Variants in AHCYL2 observed in about 807,000 individuals in gnomAD.
AHCYL2 encodes S-adenosylhomocysteine hydrolase-like protein 2.
AHCYL2 carries 28 observed loss-of-function variants against 81.4 expected under a neutral mutation model. The observed-to-expected ratio is 0.34, with a 90% CI of 0.25 to 0.47. The LOEUF is 0.47. Among genes scored for constraint, AHCYL2 ranks in the 20% least tolerant of loss-of-function variants. The probability of loss-of-function intolerance (pLI) is 1.00; values close to 1 mark genes in which losing one functional copy is unlikely to be tolerated. For missense variants in AHCYL2, 551 were observed against 785.1 expected (o/e 0.70, Z 3.56); for synonymous variants, 272 against 290.2 (o/e 0.94, Z 0.64).
chr7:129,296,400 G>A (rs959244737), intron 1 of AHCYL2, among the ~76,000 whole-genome samples: 26 of 152,098 alleles, frequency 1.7e-4, no homozygotes, highest in African/African-American at 6.0e-4. Context: ...GTGTTATGTT[G>A]GCATTCATTG....
At chr7:129,375,510 TA>T in intron 1 of AHCYL2, 2 of 655,018 alleles carry the variant, frequency 3.1e-6, no homozygotes, top group Non-Finnish European at 3.9e-6. Context: ...AGTGGTTATA[TA>T]AATAAGCTAT....
chr7:129,297,052 C>T (rs1212194808), intron 1 of AHCYL2, among the ~76,000 whole-genome samples: 1 of 152,060 alleles, frequency 6.6e-6, no homozygotes, highest in African/African-American at 2.4e-5. Flanking sequence ...AGTGGGTAGC[C>T]AACTTGTGAA....
At chr7:129,358,576 A>G (rs1793825229) in intron 1 of AHCYL2, among the ~76,000 whole-genome samples, 1 of 152,176 alleles carries the variant, frequency 6.6e-6, no homozygotes, top group Non-Finnish European at 1.5e-5. Context: ...AGCCTTGGTT[A>G]CCAGGGGCTG....
chr7:129,321,772 G>GTTTTTTTTTTTTTTTTTTTTTT (rs1217148394), intron 1 of AHCYL2, among the ~76,000 whole-genome samples: 15 of 114,392 alleles, frequency 1.3e-4, no homozygotes, highest in South Asian at 2.9e-4. Flanking sequence ...TTTGGTCTTG[G>GTTTTTTTTTTTTTTTTTTTTTT]TTTTGTTTTT....
chr7:129,263,873 T>C (rs1388818050), intron 1 of AHCYL2, among the ~76,000 whole-genome samples: 1 of 152,192 alleles, frequency 6.6e-6, no homozygotes, highest in African/African-American at 2.4e-5. Context: ...TGGGATTCTT[T>C]TAGAGTTACC....
At chr7:129,370,567 G>A (rs1002569005) in intron 1 of AHCYL2, among the ~76,000 whole-genome samples, 53 of 152,094 alleles carry the variant, frequency 3.5e-4, no homozygotes, top group Non-Finnish European at 6.0e-4. Flanking sequence ...GCGTGGTGGC[G>A]GGCGCCTATA....
chr7:129,400,966 T>G (rs1011540299), intron 6 of AHCYL2, among the ~76,000 whole-genome samples: 3 of 152,228 alleles, frequency 2.0e-5, no homozygotes, highest in Non-Finnish European at 2.9e-5. Flanking sequence ...TTCATTTTTA[T>G]TTTTGTTTTA....
chr7:129,264,181 C>T (rs1795738568), intron 1 of AHCYL2, among the ~76,000 whole-genome samples: 1 of 152,120 alleles, frequency 6.6e-6, no homozygotes, highest in Non-Finnish European at 1.5e-5. Flanking sequence ...GCCACCATGC[C>T]CGGCTAATTT....
At chr7:129,314,745 T>C (rs1445509531) in intron 1 of AHCYL2, among the ~76,000 whole-genome samples, 3 of 152,124 alleles carry the variant, frequency 2.0e-5, no homozygotes, top group African/African-American at 4.8e-5. Context: ...TGGGGACACA[T>C]AGGACACACT....
At chr7:129,298,461 G>T (rs894765730) in intron 1 of AHCYL2, among the ~76,000 whole-genome samples, 1 of 152,146 alleles carries the variant, frequency 6.6e-6, no homozygotes, top group Non-Finnish European at 1.5e-5. Flanking sequence ...CCTGCTGGCC[G>T]CAATTCACTT....
intron 10 of AHCYL2, among the ~76,000 whole-genome samples, chr7:129,408,615 T>C (rs1377963677): frequency 6.6e-6 from 1 of 152,188 alleles, no homozygotes; most frequent in East Asian, 1.9e-4. Flanking sequence ...AGTGGCTAAT[T>C]TGATCCTTGG....
intron 15 of AHCYL2, 32 bp downstream of exon 15, chr7:129,425,173 C>T (rs1797304253): frequency 6.3e-7 from 1 of 1,592,880 alleles, no homozygotes; most frequent in East Asian, 2.2e-5. Flanking sequence ...TCCATCCTTA[C>T]CAAAGTAGTT....
intron 1 of AHCYL2, among the ~76,000 whole-genome samples, chr7:129,229,832 C>A (rs1048610243): frequency 2.6e-5 from 4 of 152,192 alleles, no homozygotes; most frequent in Admixed American, 6.5e-5. Context: ...GATGCAGCTT[C>A]ACACTGGTAA....
chr7:129,411,816 A>G (rs1223079490), intron 11 of AHCYL2, among the ~76,000 whole-genome samples: 1 of 151,136 alleles, frequency 6.6e-6, no homozygotes, highest in Non-Finnish European at 1.5e-5. Flanking sequence ...TCCCCATGTG[A>G]TGGCATATAT....
At chr7:129,272,274 C>T (rs534418823) in intron 1 of AHCYL2, among the ~76,000 whole-genome samples, 1 of 152,276 alleles carries the variant, frequency 6.6e-6, no homozygotes, top group Non-Finnish European at 1.5e-5. Context: ...GCGTATGGCT[C>T]CCAGTCTAGT....
intron 1 of AHCYL2, among the ~76,000 whole-genome samples, chr7:129,365,628 G>GTATATATATATATATATATATA (rs10526470): frequency 0.018 from 2,246 of 123,800 alleles, 93 homozygotes; most frequent in Non-Finnish European, 0.02. Flanking sequence ...GGAGGATAGA[G>GTATATATATATATATATATATA]TATATATATA....
chr7:129,376,009 C>T (rs1794670573), intron 1 of AHCYL2: 9 of 1,498,044 alleles, frequency 6.0e-6, no homozygotes, highest in African/African-American at 2.8e-5. Flanking sequence ...TCTTTTTCCC[C>T]TCCTTTCCTG....
At chr7:129,327,569 C>T (rs1798266956) in intron 1 of AHCYL2, among the ~76,000 whole-genome samples, 1 of 151,796 alleles carries the variant, frequency 6.6e-6, no homozygotes, top group African/African-American at 2.4e-5. Flanking sequence ...CAGGTTCAAG[C>T]AATTCTCTGC....
rs746833185 is a variant in AHCYL2, at chr7:129,225,323, G to A, written c.247G>A (p.Ala83Thr). The change falls in exon 1 of 17, where the codon GCG becomes ACG. Residue 83 changes from alanine (A) to threonine (T), a missense_variant. Around this residue, in one of 2 missense-constraint regions of AHCYL2, gnomAD observed 235 missense variants for 242.1 expected, o/e 0.97. Transcript: ENST00000325006. ...CCCCGCCGCCGGGAAGGTGCCTCAG[G>A]CGTCGGCCATGAAGCGGAGCGACCC... ...LSPAAGKVPQ[A>T]SAMKRSDPHH... 95 of 1,493,860 alleles carry A rather than the reference G, an allele frequency of 6.4e-5. No homozygotes were observed. In the African/African-American group the frequency reaches 1.1e-3, roughly 18 times the overall value. 92.5% of individuals were successfully genotyped at this position (1,493,860 alleles called of 1,614,324 possible).
Sources: gnomAD v4.1 joint callset for allele counts (sites outside exome capture counted in the v4.1 genomes callset) on GRCh38, gnomAD v4.1.1 for gene constraint, gnomAD v4.1.1 regional missense constraint, MANE v1.5 for transcripts, NCBI Gene and HGNC (gene_info 2026-07-23, HGNC 2026-07-21) for gene names.